The following TMEM132D variants were observed in gnomAD, a reference collection of about 807,000 sequenced individuals.
TMEM132D encodes the protein transmembrane protein 132D.
A neutral mutation model predicts 62.3 loss-of-function variants in TMEM132D; 21 were observed. The observed-to-expected ratio is 0.34, with a 90% CI of 0.24 to 0.49. TMEM132D has a LOEUF of 0.49. TMEM132D is among the 20% of genes least tolerant of loss of function. The pLI, the probability that TMEM132D is intolerant of heterozygous loss-of-function variation, is 0.99. For missense variants in TMEM132D, 1,346 were observed against 1,402.8 expected (o/e 0.96, Z 0.65); for synonymous variants, 621 against 575.6 (o/e 1.08, Z -1.13).
chr12:129,671,668 G>C (rs545903949), intron 2 of TMEM132D, among the ~76,000 whole-genome samples: 1 of 152,256 alleles, frequency 6.6e-6, no homozygotes, highest in South Asian at 2.1e-4. Context: ...TTGGGGTAGG[G>C]GAGAGGAAAC....
At chr12:129,471,742 T>G (rs1191767150) in intron 3 of TMEM132D, among the ~76,000 whole-genome samples, 1 of 152,222 alleles carries the variant, frequency 6.6e-6, no homozygotes, top group Non-Finnish European at 1.5e-5. Context: ...GAGAAGTTTT[T>G]GAAGGAAACT....
intron 1 of TMEM132D, among the ~76,000 whole-genome samples, chr12:129,813,503 C>G (rs1017559832): frequency 6.6e-6 from 1 of 151,210 alleles, no homozygotes; most frequent in Non-Finnish European, 1.5e-5. Context: ...GTCAGTCCAG[C>G]CACTCTGGTA....
chr12:129,497,615 A>G (rs1874998944), intron 3 of TMEM132D, among the ~76,000 whole-genome samples: 1 of 151,828 alleles, frequency 6.6e-6, no homozygotes, highest in South Asian at 2.1e-4. Flanking sequence ...AGCAGAAATC[A>G]GTTGTTCATT....
At chr12:129,735,097 TA>T (rs1350118062) in intron 1 of TMEM132D, among the ~76,000 whole-genome samples, 1 of 152,126 alleles carries the variant, frequency 6.6e-6, no homozygotes, top group Non-Finnish European at 1.5e-5. Flanking sequence ...CTATTACAAT[TA>T]AAAAAATACA....
chr12:129,494,989 A>G (rs980921451), intron 3 of TMEM132D, among the ~76,000 whole-genome samples: 3 of 152,188 alleles, frequency 2.0e-5, no homozygotes, highest in African/African-American at 7.2e-5. Flanking sequence ...GAGCAGGCAC[A>G]TACGCTTGGT....
chr12:129,719,794 T>C (rs903359617), intron 1 of TMEM132D, among the ~76,000 whole-genome samples: 1 of 152,238 alleles, frequency 6.6e-6, no homozygotes, highest in African/African-American at 2.4e-5. Context: ...TATGCCTCTC[T>C]GTGACAAGTT....
At chr12:129,548,608 C>G (rs961269675) in intron 2 of TMEM132D, among the ~76,000 whole-genome samples, 2 of 152,164 alleles carry the variant, frequency 1.3e-5, no homozygotes, top group Admixed American at 6.5e-5. Flanking sequence ...GTAGAACCAG[C>G]TATCCAACAT....
intron 3 of TMEM132D, among the ~76,000 whole-genome samples, chr12:129,496,951 G>T (rs1001840951): frequency 6.6e-5 from 10 of 152,218 alleles, no homozygotes; most frequent in African/African-American, 2.4e-4. Flanking sequence ...GCCAGTGGGA[G>T]TTCCTGTCAG....
chr12:129,490,869 C>T (rs927250449), intron 3 of TMEM132D, among the ~76,000 whole-genome samples: 3 of 152,018 alleles, frequency 2.0e-5, no homozygotes, highest in Non-Finnish European at 4.4e-5. Context: ...TTTGCCACGA[C>T]GCCATCCTCC....
intron 2 of TMEM132D, among the ~76,000 whole-genome samples, chr12:129,645,212 C>T (rs1879742814): frequency 1.3e-5 from 2 of 151,966 alleles, no homozygotes; most frequent in African/African-American, 4.8e-5. Context: ...ACACATTTAC[C>T]ATCTATTATC....
intron 3 of TMEM132D, among the ~76,000 whole-genome samples, chr12:129,492,313 G>T (rs902835269): frequency 4.6e-5 from 7 of 152,134 alleles, no homozygotes; most frequent in Non-Finnish European, 7.3e-5. Flanking sequence ...TTCCTGAAAA[G>T]CAATTAATTT....
At position 129,790,907 on chromosome 12, in the gene TMEM132D, ACT is replaced by A. The variant is rs551713660; in HGVS notation, c.80-90211_80-90210del. On this transcript the variant is annotated intron_variant, in intron 1 of 8. Coordinates refer to ENST00000422113, the MANE Select transcript of TMEM132D (RefSeq NM_133448.3). The stretch of plus-strand genomic sequence containing the variant: ...ATGTTCTTTAAAATGCCTTTTAACA[ACT>A]CTACAAATATTCAGGCTATCTGCAT... Among the ~76,000 whole-genome samples the A allele has an allele frequency of 5.1e-4, 78 of 152,218 alleles. 1 individual carries two copies. The South Asian group carries it at 0.015, about 29-fold the overall frequency.
intron 3 of TMEM132D, among the ~76,000 whole-genome samples, chr12:129,412,707 G>C (rs1184994956): frequency 1.3e-5 from 2 of 152,134 alleles, no homozygotes; most frequent in Non-Finnish European, 2.9e-5. Context: ...TACAAAATTA[G>C]CTGGGTGTGG....
intron 4 of TMEM132D, among the ~76,000 whole-genome samples, chr12:129,321,847 CTG>C (rs1868724949): frequency 6.6e-6 from 1 of 152,242 alleles, no homozygotes; most frequent in African/African-American, 2.4e-5. Flanking sequence ...GCGTGAGCCA[CTG>C]CACCCGGCCG....
chr12:129,530,109 G>GA (rs1876171511), intron 3 of TMEM132D, among the ~76,000 whole-genome samples: 1 of 152,108 alleles, frequency 6.6e-6, no homozygotes, highest in Non-Finnish European at 1.5e-5. Flanking sequence ...AAGAAGTACA[G>GA]AAAAGAATCC....
intron 3 of TMEM132D, among the ~76,000 whole-genome samples, chr12:129,434,163 G>A (rs929381339): frequency 6.6e-6 from 1 of 152,152 alleles, no homozygotes; most frequent in African/African-American, 2.4e-5. Flanking sequence ...TTCTACTTAG[G>A]TTGGAAGAGG....
intron 5 of TMEM132D, among the ~76,000 whole-genome samples, chr12:129,173,433 T>C (rs1440707297): frequency 6.6e-6 from 1 of 152,254 alleles, no homozygotes; most frequent in African/African-American, 2.4e-5. Context: ...ATTTCTCATA[T>C]AGGCTTAAAC....
At chr12:129,263,270 C>T (rs1330947168) in intron 4 of TMEM132D, among the ~76,000 whole-genome samples, 5 of 152,144 alleles carry the variant, frequency 3.3e-5, no homozygotes, top group Non-Finnish European at 2.9e-5. Context: ...TTACTATACT[C>T]TGTTCAAATG....
intron 5 of TMEM132D, among the ~76,000 whole-genome samples, chr12:129,118,899 C>T (rs3851666): frequency 0.024 from 3,708 of 152,314 alleles, 170 homozygotes; most frequent in African/African-American, 0.084. Context: ...TGCTCAGCTA[C>T]TCACATGCAG....
Sources: gnomAD v4.1 joint callset for allele counts (sites outside exome capture counted in the v4.1 genomes callset) on GRCh38, gnomAD v4.1.1 for gene constraint, MANE v1.5 for transcripts, NCBI Gene and HGNC (gene_info 2026-07-23, HGNC 2026-07-21) for gene names.